VWA3B: variants seen among roughly 807,000 people sequenced by gnomAD.
The protein encoded by VWA3B is von Willebrand factor A domain containing 3B.
VWA3B carries 138 observed loss-of-function variants against 158.3 expected under a neutral mutation model. The observed-to-expected ratio is 0.87, with a 90% CI of 0.76 to 1.00. VWA3B has a LOEUF of 1.00. Ranked by LOEUF, VWA3B falls within the 50% of genes least tolerant of loss-of-function variation. The pLI is 0.00. For synonymous variants in VWA3B, 596 were observed against 587.3 expected (o/e 1.01, Z -0.21); for missense variants, 1,555 against 1,565.1 (o/e 0.99, Z 0.11).
intron 20 of VWA3B, among the ~76,000 whole-genome samples, chr2:98,253,930 G>A (rs1016356327): frequency 4.6e-5 from 7 of 152,164 alleles, no homozygotes; most frequent in African/African-American, 1.7e-4. Context: ...CTTTCCTGCG[G>A]TGGCCTCCCT....
At chr2:98,172,472 G>C (rs1441085871) in intron 8 of VWA3B, among the ~76,000 whole-genome samples, 1 of 152,214 alleles carries the variant, frequency 6.6e-6, no homozygotes, top group African/African-American at 2.4e-5. Flanking sequence ...TGCACAGAAT[G>C]GGGGCGTGAC....
chr2:98,091,577 G>T (rs1682296624), intron 1 of VWA3B, among the ~76,000 whole-genome samples: 1 of 152,138 alleles, frequency 6.6e-6, no homozygotes, highest in Admixed American at 6.5e-5. Flanking sequence ...AATAAGAGTA[G>T]TACCTACCTC....
intron 9 of VWA3B, among the ~76,000 whole-genome samples, chr2:98,184,742 G>C (rs186383310): frequency 1.3e-5 from 2 of 152,338 alleles, no homozygotes; most frequent in Admixed American, 1.3e-4. Context: ...CAGCCCTCTG[G>C]AGTGGGGGCT....
At chr2:98,200,163 C>T (rs1395618441) in intron 12 of VWA3B, among the ~76,000 whole-genome samples, 1 of 152,138 alleles carries the variant, frequency 6.6e-6, no homozygotes, top group Admixed American at 6.6e-5. Flanking sequence ...GGTGAAATAT[C>T]TGTTCAGATA....
chr2:98,258,210 T>C (rs1312897502), intron 21 of VWA3B, among the ~76,000 whole-genome samples: 3 of 151,972 alleles, frequency 2.0e-5, no homozygotes, highest in African/African-American at 7.2e-5. Flanking sequence ...ATTCCACTGG[T>C]CTATATATGA....
intron 7 of VWA3B, among the ~76,000 whole-genome samples, chr2:98,140,416 C>T (rs1041514073): frequency 1.3e-5 from 2 of 152,214 alleles, no homozygotes; most frequent in African/African-American, 4.8e-5. Flanking sequence ...GAAGCTGCCA[C>T]TCATCTTCTA....
intron 19 of VWA3B, among the ~76,000 whole-genome samples, chr2:98,244,651 G>A (rs933142378): frequency 6.6e-6 from 1 of 151,868 alleles, no homozygotes; most frequent in African/African-American, 2.4e-5. Flanking sequence ...TGATTATTTG[G>A]GACATGTTTT....
Position 98,160,330 on chromosome 2 carries a change from G to C in VWA3B, c.989-2521G>C, listed in dbSNP as rs116685457. 3.8e-3 allele frequency among the ~76,000 whole-genome samples: 580 copies of C among 152,118 alleles called. 5 individuals carry two copies. Among genetic ancestry groups the C allele is most frequent in the African/African-American group, 0.013 (528 of 41,490 alleles). On this transcript the variant is annotated intron_variant, in intron 7 of 27. Transcript: ENST00000477737. Reference sequence around the variant, plus strand: ...TTTCACTGTTTTTTTGTTTTGTTTTGTTTTCTTTTCTTTTGTTTTTAAGCA... The same window carrying C: ...TTTCACTGTTTTTTTGTTTTGTTTTCTTTTCTTTTCTTTTGTTTTTAAGCA...
At chr2:98,232,929 G>C (rs1003786471) in intron 16 of VWA3B, among the ~76,000 whole-genome samples, 6 of 152,106 alleles carry the variant, frequency 3.9e-5, no homozygotes, top group African/African-American at 1.4e-4. Flanking sequence ...TCCCCACATT[G>C]CTGGCAGGGA....
At chr2:98,285,394 A>G (rs574432386) in intron 22 of VWA3B, among the ~76,000 whole-genome samples, 1 of 152,242 alleles carries the variant, frequency 6.6e-6, no homozygotes, top group African/African-American at 2.4e-5. Flanking sequence ...GCTGATATGA[A>G]TCCTCATATA....
chr2:98,254,748 G>A (rs13422609), intron 20 of VWA3B, among the ~76,000 whole-genome samples: 6,349 of 152,232 alleles, frequency 0.042, 424 homozygotes, highest in African/African-American at 0.14. Flanking sequence ...AAAGCCTCAC[G>A]GCAAGAAGGA....
At chr2:98,319,976 T>C in the VWA3B span, among the ~76,000 whole-genome samples, 1 of 152,078 alleles carries the variant, frequency 6.6e-6, no homozygotes, top group Non-Finnish European at 1.5e-5. Context: ...GAAGTAATCA[T>C]GCAAATACTT....
chr2:98,181,116 C>G lies in VWA3B; in HGVS notation c.1215C>G (p.Ser405=). 6.2e-7 allele frequency: 1 copy of G among 1,614,200 alleles called. No individual in the cohort carries two copies. Among genetic ancestry groups the G allele is most frequent in the Non-Finnish European group, 8.5e-7 (1 of 1,180,042 alleles). Residue 405 remains serine, a synonymous_variant, in exon 9 of 28, where the codon TCC becomes TCG. Transcript: ENST00000477737. ...ATGGCTTGAAGGCCCAGAAGCTATCCTTGTATGATGTGCTTGCCGACTGCT... is the reference window on the plus strand; with the variant it reads ...ATGGCTTGAAGGCCCAGAAGCTATCGTTGTATGATGTGCTTGCCGACTGCT... ...QKYGLKAQKL[S]LYDVLADCSF...
At chr2:98,117,975 G>T (rs536029145) in intron 3 of VWA3B, among the ~76,000 whole-genome samples, 1 of 152,222 alleles carries the variant, frequency 6.6e-6, no homozygotes, top group African/African-American at 2.4e-5. Context: ...GACCTCGGGT[G>T]ATTCACTCAC....
At chr2:98,256,369 C>G (rs1387468309) in intron 21 of VWA3B, among the ~76,000 whole-genome samples, 195 bp downstream of exon 21, 1 of 152,096 alleles carries the variant, frequency 6.6e-6, no homozygotes, top group African/African-American at 2.4e-5. Context: ...AATCACTCCC[C>G]ATTCCTGTCT....
At chr2:98,253,593 G>A (rs569256938) in intron 20 of VWA3B, among the ~76,000 whole-genome samples, 1 of 152,102 alleles carries the variant, frequency 6.6e-6, no homozygotes, top group Non-Finnish European at 1.5e-5. Context: ...AGCAGTATCC[G>A]TTCTAGCCTG....
chr2:98,231,459 T>C (rs1361423168), intron 16 of VWA3B, among the ~76,000 whole-genome samples: 3 of 152,142 alleles, frequency 2.0e-5, no homozygotes, highest in Non-Finnish European at 2.9e-5. Flanking sequence ...TCCACACAAA[T>C]ATACCCAAAT....
At chr2:98,101,937 G>A (rs1683103389) in intron 2 of VWA3B, among the ~76,000 whole-genome samples, 1 of 151,788 alleles carries the variant, frequency 6.6e-6, no homozygotes, top group Non-Finnish European at 1.5e-5. Flanking sequence ...ATGTGGCAGG[G>A]TCATAGGATG....
At chr2:98,271,679 T>C (rs919319291) in intron 22 of VWA3B, among the ~76,000 whole-genome samples, 4 of 152,248 alleles carry the variant, frequency 2.6e-5, no homozygotes, top group Admixed American at 6.5e-5. Flanking sequence ...TTTCCAGTTT[T>C]CTGCTTTCTC....
Sources: allele counts gnomAD v4.1 joint callset (sites outside exome capture counted in the v4.1 genomes callset), GRCh38; gene constraint gnomAD v4.1.1; transcripts MANE v1.5; gene names NCBI Gene and HGNC (gene_info 2026-07-23, HGNC 2026-07-21).